Variants in MAGI2 observed in about 807,000 individuals in gnomAD.
MAGI2 encodes membrane associated guanylate kinase, WW and PDZ domain containing 2, also known as membrane-associated guanylate kinase, WW and PDZ domain-containing protein 2.
In MAGI2, 35 loss-of-function variants were observed where a neutral mutation model predicts 133.3. That is an observed-to-expected ratio of 0.26 (90% confidence interval 0.20 to 0.35). The LOEUF (loss-of-function observed/expected upper bound fraction) is 0.35. Among genes scored for constraint, MAGI2 ranks in the 10% least tolerant of loss-of-function variants. MAGI2 has a pLI of 1.00. For synonymous variants in MAGI2, 729 were observed against 710.6 expected, an observed-to-expected ratio of 1.03 and a Z score of -0.41; for missense variants, 1,636 against 1,863.4, an observed-to-expected ratio of 0.88 and a Z score of 2.25.
At chr7:78,721,923 G>C (rs1820307274) in intron 2 of MAGI2, among the ~76,000 whole-genome samples, 1 of 151,682 alleles carries the variant, frequency 6.6e-6, no homozygotes, top group South Asian at 2.1e-4. Context: ...TAAACAACTA[G>C]CAAACTTGAT....
chr7:79,349,439 A>G (rs1396224214), intron 1 of MAGI2, among the ~76,000 whole-genome samples: 1 of 151,874 alleles, frequency 6.6e-6, no homozygotes, highest in Non-Finnish European at 1.5e-5. Flanking sequence ...ATTAAATAAG[A>G]TGACCTTCAA....
intron 21 of MAGI2, among the ~76,000 whole-genome samples, chr7:78,055,934 C>CT (rs1257209472): frequency 2.0e-5 from 3 of 151,984 alleles, no homozygotes. Context: ...GTGGCAGTGT[C>CT]TTTTTTTTAA....
intron 2 of MAGI2, chr7:78,940,669 TTTAGA>T: frequency 6.6e-6 from 1 of 152,252 alleles, no homozygotes. Flanking sequence ...GGACAGCTCA[TTTAGA>T]TAAGTCATGA....
intron 6 of MAGI2, among the ~76,000 whole-genome samples, chr7:78,374,294 T>A (rs939677197): frequency 3.3e-5 from 5 of 152,134 alleles, no homozygotes; most frequent in African/African-American, 1.2e-4. Context: ...GTGGTTTGAG[T>A]TGTGTTTCTC....
chr7:78,270,634 G>A (rs892098243), intron 9 of MAGI2, among the ~76,000 whole-genome samples: 4 of 152,124 alleles, frequency 2.6e-5, no homozygotes, highest in African/African-American at 9.7e-5. Context: ...CTTTGCTGAA[G>A]TTGCCTATCA....
chr7:79,164,724 C>T (rs1172440953), intron 1 of MAGI2, among the ~76,000 whole-genome samples: 4 of 151,962 alleles, frequency 2.6e-5, no homozygotes, highest in African/African-American at 4.8e-5. Context: ...ATTGAATTGC[C>T]CTGCCTTTCT....
At chr7:79,016,001 G>C (rs935587221) in intron 1 of MAGI2, among the ~76,000 whole-genome samples, 3 of 103,348 alleles carry the variant, frequency 2.9e-5, no homozygotes, top group Non-Finnish European at 6.2e-5. Flanking sequence ...GGAGAAGCGG[G>C]GGGGGGGGGT....
intron 1 of MAGI2, among the ~76,000 whole-genome samples, chr7:79,281,019 CTG>C (rs1835601450): frequency 7.3e-6 from 1 of 136,612 alleles, no homozygotes; most frequent in South Asian, 2.5e-4. Flanking sequence ...CATAACCTAA[CTG>C]TTTCAAATAA....
At chr7:78,470,656 A>C (rs1228976714) in intron 6 of MAGI2, among the ~76,000 whole-genome samples, 1 of 152,182 alleles carries the variant, frequency 6.6e-6, no homozygotes, top group Admixed American at 6.5e-5. Flanking sequence ...CACAGTATAC[A>C]TGGGCTTATA....
chr7:78,573,128 T>C (rs1274674193), intron 3 of MAGI2, among the ~76,000 whole-genome samples: 1 of 103,112 alleles, frequency 9.7e-6, no homozygotes, highest in Non-Finnish European at 1.9e-5. Flanking sequence ...GATATATATA[T>C]ACACACATAC....
chr7:78,443,066 G>A (rs940347548), intron 6 of MAGI2, among the ~76,000 whole-genome samples: 4 of 151,264 alleles, frequency 2.6e-5, no homozygotes, highest in Non-Finnish European at 5.9e-5. Context: ...TTATTGCACA[G>A]TAAGCATGTG....
chr7:78,642,663 T>A (rs2150991828), intron 2 of MAGI2, among the ~76,000 whole-genome samples: 1 of 152,336 alleles, frequency 6.6e-6, no homozygotes, highest in Admixed American at 6.5e-5. Context: ...TTTATGTATA[T>A]AATATTCACA....
At chr7:78,109,004 G>C (rs1432972147) in intron 20 of MAGI2, among the ~76,000 whole-genome samples, 2 of 151,948 alleles carry the variant, frequency 1.3e-5, no homozygotes, top group South Asian at 2.1e-4. Flanking sequence ...GCTGTAGAAG[G>C]CCTTTTAAAG....
intron 9 of MAGI2, among the ~76,000 whole-genome samples, chr7:78,262,198 A>G (rs1181716136): frequency 6.6e-6 from 1 of 152,148 alleles, no homozygotes; most frequent in Non-Finnish European, 1.5e-5. Context: ...ATATATACCC[A>G]TCAAATTATG....
At chr7:79,035,464 C>T (rs1450718457) in intron 1 of MAGI2, among the ~76,000 whole-genome samples, 4 of 152,104 alleles carry the variant, frequency 2.6e-5, no homozygotes, top group Admixed American at 2.6e-4. Context: ...AACATGACAA[C>T]ACTACCCTGT....
rs10526268 is a variant in MAGI2, at chr7:78,903,172, C to CTTTTTTTTTTTTT, written c.418+103905_418+103917dup. On this transcript the variant is annotated intron_variant, in intron 2 of 21. Coordinates refer to ENST00000354212, the MANE Select transcript of MAGI2 (RefSeq NM_012301.4). ...TTCATGCAAGTGGGAGTTCCTGAAT[C>CTTTTTTTTTTTTT]TTTTTTTTTTTTTTTTTTTTTTTTT... 8.0e-4 allele frequency among the ~76,000 whole-genome samples: 45 copies of CTTTTTTTTTTTTT among 56,120 alleles called. 9 individuals are homozygous for CTTTTTTTTTTTTT. The highest frequency in any genetic ancestry group is 1.4e-3 in the Non-Finnish European group (43 of 30,844). 36.8% of individuals were successfully genotyped at this position (56,120 alleles called of 152,430 possible). A position where few individuals can be genotyped will look rare whatever the true frequency, so the allele number is the denominator to read the frequency against.
At chr7:78,469,027 C>T (rs573878694) in intron 6 of MAGI2, among the ~76,000 whole-genome samples, 2 of 152,126 alleles carry the variant, frequency 1.3e-5, no homozygotes, top group Non-Finnish European at 2.9e-5. Flanking sequence ...GTTAAATAAA[C>T]AATAAACCAG....
chr7:78,255,828 A>G, intron 10 of MAGI2, 115 bp downstream of exon 10: 1 of 1,118,776 alleles, frequency 8.9e-7, no homozygotes, highest in Non-Finnish European at 1.3e-6. Flanking sequence ...TTTAAGCTTT[A>G]TTTTTTAAAG....
At chr7:78,343,441 T>G (rs1253663752) in intron 9 of MAGI2, among the ~76,000 whole-genome samples, 2 of 152,204 alleles carry the variant, frequency 1.3e-5, no homozygotes, top group Non-Finnish European at 1.5e-5. Flanking sequence ...TAAAATATTG[T>G]GGCTGAATAT....
Sources: gnomAD v4.1 joint callset for allele counts (sites outside exome capture counted in the v4.1 genomes callset) on GRCh38, gnomAD v4.1.1 for gene constraint, MANE v1.5 for transcripts, NCBI Gene and HGNC (gene_info 2026-07-23, HGNC 2026-07-21) for gene names.